SYNE2: variants seen among roughly 807,000 people sequenced by gnomAD.
The protein encoded by SYNE2 is spectrin repeat containing nuclear envelope protein 2, also known as nesprin-2.
In SYNE2, 431 loss-of-function variants were observed where a neutral mutation model predicts 856.3. The observed-to-expected ratio is 0.50, with a 90% CI of 0.47 to 0.55. The LOEUF (loss-of-function observed/expected upper bound fraction) is 0.55. Among genes scored for constraint, SYNE2 ranks in the 20% least tolerant of loss-of-function variants. The pLI is 0.00. For synonymous variants in SYNE2, 2,923 were observed against 2,872.3 expected, an observed-to-expected ratio of 1.02 and a Z score of -0.56; for missense variants, 8,129 against 8,023.2, an observed-to-expected ratio of 1.01 and a Z score of -0.50.
At chr14:64,214,004 G>T (rs1273538622) in intron 105 of SYNE2, 190 bp from the exon 106 acceptor site, 3 of 757,882 alleles carry the variant, frequency 4.0e-6, no homozygotes, top group Non-Finnish European at 6.2e-6. Flanking sequence ...CAGATTTTAG[G>T]CCCCACTCCA....
intron 113 of SYNE2, among the ~76,000 whole-genome samples, chr14:64,224,113 G>T (rs1299716159): frequency 4.0e-5 from 6 of 149,996 alleles, no homozygotes; most frequent in Non-Finnish European, 8.8e-5. Context: ...GGGAGGCCAA[G>T]GCAGGTGGAT....
chr14:63,868,451 G>A (rs1171048656), intron 1 of SYNE2, among the ~76,000 whole-genome samples: 3 of 151,160 alleles, frequency 2.0e-5, no homozygotes, highest in Non-Finnish European at 4.4e-5. Context: ...CTCGAGCCTG[G>A]ACAGCAGAGT....
intron 52 of SYNE2, among the ~76,000 whole-genome samples, chr14:64,072,848 C>T (rs745703290): frequency 6.6e-6 from 1 of 152,218 alleles, no homozygotes; most frequent in Non-Finnish European, 1.5e-5. Flanking sequence ...CCTTTGATAC[C>T]TTTCTTGGGT....
chr14:64,023,921 A>T lies in SYNE2; in HGVS notation c.5638-336A>T, dbSNP rs1036477257. The T allele has an allele frequency of 1.0e-5, 3 of 300,134 alleles. No homozygotes were observed. The South Asian group carries it at 1.0e-4, about 10-fold the overall frequency. The allele number at this position is 300,134 out of a possible 1,614,324, so 18.6% of individuals were successfully genotyped here. A position where few individuals can be genotyped will look rare whatever the true frequency, so the allele number is the denominator to read the frequency against. On this transcript the variant is annotated intron_variant, in intron 38 of 115. Transcript: ENST00000555002. ...GATGCCCAAACCTTGAAACGTAAAC[A>T]TTGAGATAAAATTCTTATTTGGGCA...
chr14:64,188,746 C>A (rs1299346263), intron 98 of SYNE2, 38 bp downstream of exon 98: 1 of 1,610,960 alleles, frequency 6.2e-7, no homozygotes, highest in Admixed American at 1.7e-5. Flanking sequence ...GTTATGACTA[C>A]CATGGAATTG....
intron 1 of SYNE2, among the ~76,000 whole-genome samples, chr14:63,829,083 T>G (rs1308699752): frequency 6.6e-6 from 1 of 152,016 alleles, no homozygotes; most frequent in Non-Finnish European, 1.5e-5. Flanking sequence ...CCTCATATAT[T>G]GCTGATGGAC....
chr14:63,895,388 C>T (rs528232044), intron 1 of SYNE2, among the ~76,000 whole-genome samples: 4 of 151,636 alleles, frequency 2.6e-5, no homozygotes, highest in East Asian at 1.9e-4. Flanking sequence ...GGATTACAGG[C>T]GTGAGCCACT....
chr14:63,812,988 G>A (rs1168988538), intron 1 of SYNE2, among the ~76,000 whole-genome samples: 2 of 152,244 alleles, frequency 1.3e-5, no homozygotes, highest in South Asian at 2.1e-4. Flanking sequence ...TCACTTCCTG[G>A]TAGGCTAAGG....
chr14:63,956,652 T>A (rs748283520), intron 8 of SYNE2, among the ~76,000 whole-genome samples: 12 of 152,114 alleles, frequency 7.9e-5, no homozygotes, highest in Non-Finnish European at 1.2e-4. Context: ...CTGGGTTCCA[T>A]ATCCATGGAG....
At chr14:63,959,448 C>CA (rs1371148540) in intron 8 of SYNE2, among the ~76,000 whole-genome samples, 3 of 151,868 alleles carry the variant, frequency 2.0e-5, no homozygotes, top group African/African-American at 7.3e-5. Context: ...CAGGCATGTG[C>CA]AACCACGCAT....
chr14:64,122,253 T>A (rs771745238), intron 69 of SYNE2, 33 bp from the exon 70 acceptor site: 3 of 1,614,200 alleles, frequency 1.9e-6, no homozygotes, highest in Admixed American at 1.7e-5. Context: ...TTAGTGTTGA[T>A]TATTCTCTTC....
At chr14:64,018,471 T>C (rs1240157987) in intron 34 of SYNE2, among the ~76,000 whole-genome samples, 1 of 152,208 alleles carries the variant, frequency 6.6e-6, no homozygotes, top group African/African-American at 2.4e-5. Flanking sequence ...CTTGAGCTCC[T>C]GACCTCGTGA....
chr14:63,963,298 A>G (rs982768064), intron 9 of SYNE2, among the ~76,000 whole-genome samples: 2 of 152,250 alleles, frequency 1.3e-5, no homozygotes, highest in African/African-American at 4.8e-5. Context: ...AAAATATTAG[A>G]AAACTTTTAC....
Position 64,216,355 on chromosome 14 carries a change from C to T in SYNE2, c.19510C>T (p.Pro6504Ser), listed in dbSNP as rs959258296. Reference protein sequence around the residue: ...EGDRNVPPVPPASSTPYKPPY... With the variant: ...EGDRNVPPVPSASSTPYKPPY... Reference sequence around the variant, plus strand: ...TGACAGGAATGTTCCACCTGTTCCCCCTGCGTCCAGCACCCCTTATAAACC... The same window carrying T: ...TGACAGGAATGTTCCACCTGTTCCCTCTGCGTCCAGCACCCCTTATAAACC... The change falls in exon 108 of 116, where the codon CCT (proline) becomes TCT (serine). Residue 6504 changes from proline (P) to serine (S), a missense_variant. Pro to Ser is a moderately conservative substitution (Grantham distance 74). Transcript: ENST00000555002. The T allele has an allele frequency of 6.2e-7, 1 of 1,614,244 alleles. No homozygotes were observed. Among genetic ancestry groups the T allele is most frequent in the Non-Finnish European group, 8.5e-7 (1 of 1,180,050 alleles).
At position 63,986,702 on chromosome 14, in the gene SYNE2, T is replaced by C; in HGVS notation, c.2313+85T>C. On this transcript the variant is annotated intron_variant, in intron 19 of 115. Coordinates refer to ENST00000555002, the MANE Select transcript of SYNE2 (RefSeq NM_182914.3). ...AAATAAGAAGTTTTAAAGTAAGTAG[T>C]AATAAGCCTACAGTTTTAATTTTCT... The C allele has an allele frequency of 2.9e-6, 4 of 1,377,256 alleles. No individual in the cohort carries two copies. In the South Asian group the frequency reaches 4.7e-5, roughly 16 times the overall value. The allele number at this position is 1,377,256 out of a possible 1,614,324, so 85.3% of individuals were successfully genotyped here. A position where few individuals can be genotyped will look rare whatever the true frequency, so the allele number is the denominator to read the frequency against.
chr14:63,999,828 C>T (rs922737937), intron 27 of SYNE2, among the ~76,000 whole-genome samples: 7 of 152,180 alleles, frequency 4.6e-5, no homozygotes, highest in African/African-American at 1.4e-4. Flanking sequence ...AGGTCTCAGT[C>T]ACTCCACCAT....
chr14:63,909,967 T>A (rs908372539), intron 2 of SYNE2, among the ~76,000 whole-genome samples: 6 of 152,260 alleles, frequency 3.9e-5, no homozygotes, highest in East Asian at 1.9e-4. Flanking sequence ...GTCATTTTTT[T>A]AAAAGTGCTT....
At chr14:64,106,958 C>G (rs191292554) in intron 64 of SYNE2, among the ~76,000 whole-genome samples, 1 of 152,176 alleles carries the variant, frequency 6.6e-6, no homozygotes, top group East Asian at 1.9e-4. Flanking sequence ...GTAGTTGTTC[C>G]TAAATGGAAT....
intron 30 of SYNE2, 112 bp downstream of exon 30, chr14:64,003,442 C>A: frequency 1.4e-6 from 1 of 691,676 alleles, no homozygotes; most frequent in Non-Finnish European, 2.1e-6. Flanking sequence ...TTCCATCCCA[C>A]TCTATTCAGT....
Sources: gnomAD v4.1 joint callset for allele counts (sites outside exome capture counted in the v4.1 genomes callset) on GRCh38, gnomAD v4.1.1 for gene constraint, MANE v1.5 for transcripts, NCBI Gene and HGNC (gene_info 2026-07-23, HGNC 2026-07-21) for gene names.